The following LRRC7 variants were observed in gnomAD, a reference collection of about 807,000 sequenced individuals.
LRRC7 encodes the protein leucine rich repeat containing 7, also known as leucine-rich repeat-containing protein 7.
Under a neutral mutation model 175.7 loss-of-function variants are expected in LRRC7, and 23 were observed. The ratio of observed to expected loss-of-function variants is 0.13; its 90% CI spans 0.09 to 0.19. The LOEUF is 0.19. Among genes scored for constraint, LRRC7 ranks in the 10% least tolerant of loss-of-function variants. The pLI is 1.00. For synonymous variants in LRRC7, 685 were observed against 680.9 expected, an observed-to-expected ratio of 1.01 and a Z score of -0.09; for missense variants, 1,354 against 1,904.7, an observed-to-expected ratio of 0.71 and a Z score of 5.38.
At chr1:70,090,015 G>A (rs899264045) in intron 25 of LRRC7, among the ~76,000 whole-genome samples, 196 bp downstream of exon 25, 3 of 152,004 alleles carry the variant, frequency 2.0e-5, no homozygotes, top group South Asian at 2.1e-4. Flanking sequence ...AAGAATAAAG[G>A]GAAAAGTCTC....
intron 2 of LRRC7, among the ~76,000 whole-genome samples, chr1:69,758,918 G>A (rs1670730937): frequency 6.6e-6 from 1 of 151,944 alleles, no homozygotes; most frequent in African/African-American, 2.4e-5. Flanking sequence ...AAATACATTA[G>A]CAAGTTAAAT....
At chr1:69,630,925 A>G (rs1217390565) in intron 1 of LRRC7, among the ~76,000 whole-genome samples, 1 of 152,134 alleles carries the variant, frequency 6.6e-6, no homozygotes, top group Non-Finnish European at 1.5e-5. Context: ...TTATATAGCC[A>G]GATCTGTAAC....
At position 70,123,805 on chromosome 1, in the gene LRRC7, G is replaced by A. The variant is rs1666319635; in HGVS notation, c.*1918G>A. 6.6e-6 allele frequency among the ~76,000 whole-genome samples: 1 copy of A among 152,120 alleles called. No homozygotes were observed. The highest frequency in any genetic ancestry group is 2.4e-5 in the African/African-American group (1 of 41,426). On this transcript the variant is annotated 3_prime_UTR_variant, in exon 27 of 27. Coordinates refer to ENST00000651989, the MANE Select transcript of LRRC7 (RefSeq NM_001370785.2). ...AGGATGATCATCATTAATCAAGACA[G>A]AGGCCTTTACTGGCCTCATAAGATC...
intron 2 of LRRC7, among the ~76,000 whole-genome samples, chr1:69,686,431 T>C (rs6680513): frequency 0.21 from 31,824 of 152,106 alleles, 3,492 homozygotes; most frequent in South Asian, 0.29. Flanking sequence ...TGTATGTAGA[T>C]GAAATAAGTC....
rs371124886 is a variant in LRRC7, at chr1:70,140,205, A to G, written c.*18318A>G. On this transcript the variant is annotated 3_prime_UTR_variant, in exon 27 of 27. Coordinates refer to ENST00000651989, the MANE Select transcript of LRRC7 (RefSeq NM_001370785.2). ...AAGCTAAGCATGGGCATGCCTTTCCAAAGGGTATATTTGATCCTACAGTTA... is the reference window on the plus strand; with the variant it reads ...AAGCTAAGCATGGGCATGCCTTTCCGAAGGGTATATTTGATCCTACAGTTA... 4 of 152,290 alleles carry G rather than the reference A, an allele frequency of 2.6e-5. No homozygotes were observed. In the South Asian group the frequency reaches 6.2e-4, roughly 24 times the overall value. 9.4% of individuals were successfully genotyped at this position (152,290 alleles called of 1,614,324 possible).
At chr1:69,831,432 C>A (rs1680514762) in intron 5 of LRRC7, among the ~76,000 whole-genome samples, 1 of 152,026 alleles carries the variant, frequency 6.6e-6, no homozygotes, top group Non-Finnish European at 1.5e-5. Flanking sequence ...CATAGACTTT[C>A]ATTTCTATAA....
chr1:69,882,911 A>G (rs907611358), intron 7 of LRRC7, among the ~76,000 whole-genome samples: 7 of 151,148 alleles, frequency 4.6e-5, no homozygotes, highest in African/African-American at 1.5e-4. Flanking sequence ...ATGATTTCCA[A>G]TTTCATCCAT....
chr1:69,999,388 A>G (rs1449789098), intron 11 of LRRC7, among the ~76,000 whole-genome samples: 1 of 152,198 alleles, frequency 6.6e-6, no homozygotes, highest in Non-Finnish European at 1.5e-5. Context: ...GCTCATTCTC[A>G]TTAAATTTTC....
At chr1:69,619,247 G>A (rs1650171603) in intron 1 of LRRC7, among the ~76,000 whole-genome samples, 1 of 152,094 alleles carries the variant, frequency 6.6e-6, no homozygotes, top group Admixed American at 6.6e-5. Context: ...AATAATATTT[G>A]AACATTATAT....
At chr1:69,703,910 T>C (rs1663697367) in intron 2 of LRRC7, among the ~76,000 whole-genome samples, 1 of 152,032 alleles carries the variant, frequency 6.6e-6, no homozygotes, top group Non-Finnish European at 1.5e-5. Context: ...ACCATTTCTT[T>C]CAGAAACTTG....
At chr1:70,062,962 T>A (rs1183561842) in intron 23 of LRRC7, among the ~76,000 whole-genome samples, 1 of 152,088 alleles carries the variant, frequency 6.6e-6, no homozygotes, top group Admixed American at 6.6e-5. Context: ...TAAAATATTG[T>A]TTAATTTACA....
intron 7 of LRRC7, among the ~76,000 whole-genome samples, chr1:69,914,085 G>C (rs1225189772): frequency 6.6e-6 from 1 of 152,056 alleles, no homozygotes; most frequent in East Asian, 1.9e-4. Flanking sequence ...GCAATAACTG[G>C]GAGAAGTTTT....
intron 2 of LRRC7, among the ~76,000 whole-genome samples, chr1:69,680,384 G>C (rs571932156): frequency 6.6e-6 from 1 of 152,198 alleles, no homozygotes; most frequent in South Asian, 2.1e-4. Context: ...CTAATATAAA[G>C]TATGTATGTT....
intron 8 of LRRC7, among the ~76,000 whole-genome samples, chr1:69,936,214 G>A (rs1254272344): frequency 1.3e-5 from 2 of 152,048 alleles, no homozygotes; most frequent in Non-Finnish European, 2.9e-5. Context: ...TCAAACTTAG[G>A]CATCTGGACA....
At chr1:69,575,781 CA>C (rs1013368472) in intron 1 of LRRC7, among the ~76,000 whole-genome samples, 1 of 151,944 alleles carries the variant, frequency 6.6e-6, no homozygotes, top group African/African-American at 2.4e-5. Flanking sequence ...AGGGGTCAAC[CA>C]ATAAGTTTTC....
chr1:70,073,606 A>G (rs898065840), intron 23 of LRRC7, among the ~76,000 whole-genome samples: 35 of 152,134 alleles, frequency 2.3e-4, no homozygotes, highest in Admixed American at 2.0e-4. Flanking sequence ...TGTAGATTAT[A>G]TTTCATGGAA....
intron 4 of LRRC7, among the ~76,000 whole-genome samples, chr1:69,817,240 T>A (rs1678706403): frequency 6.6e-6 from 1 of 151,442 alleles, no homozygotes; most frequent in Non-Finnish European, 1.5e-5. Flanking sequence ...TCAGGTCTTA[T>A]ATATATATAT....
At chr1:69,712,505 G>T (rs2100738910) in intron 2 of LRRC7, among the ~76,000 whole-genome samples, 1 of 152,188 alleles carries the variant, frequency 6.6e-6, no homozygotes, top group South Asian at 2.1e-4. Flanking sequence ...TCAGGAGGCA[G>T]AGGCAGGGAG....
At chr1:69,640,754 C>A (rs1183706078) in intron 1 of LRRC7, among the ~76,000 whole-genome samples, 1 of 150,530 alleles carries the variant, frequency 6.6e-6, no homozygotes, top group Admixed American at 6.6e-5. Flanking sequence ...TATGGAGGAG[C>A]AAAGGTAATT....
Sources: allele counts gnomAD v4.1 joint callset (sites outside exome capture counted in the v4.1 genomes callset), GRCh38; gene constraint gnomAD v4.1.1; transcripts MANE v1.5; gene names NCBI Gene and HGNC (gene_info 2026-07-23, HGNC 2026-07-21).